ARMC9: variants seen among roughly 807,000 people sequenced by gnomAD.
The protein encoded by ARMC9 is armadillo repeat containing 9.
ARMC9 carries 94 observed loss-of-function variants against 107.0 expected under a neutral mutation model. The observed-to-expected ratio is 0.88, with a 90% CI of 0.74 to 1.04. The LOEUF (loss-of-function observed/expected upper bound fraction) is 1.04, where lower values mean the gene tolerates loss of function less well. Ranked by LOEUF, ARMC9 falls within the 50% of genes least tolerant of loss-of-function variation. ARMC9 has a pLI of 0.00. For synonymous variants in ARMC9, 380 were observed against 396.9 expected (o/e 0.96, Z 0.51); for missense variants, 942 against 1,030.1 (o/e 0.91, Z 1.17).
At position 231,310,745 on chromosome 2, in the gene ARMC9, A is replaced by G. The variant is rs371609703; in HGVS notation, c.1773+14492A>G. ...CGAGTGAAACTCCGTCTCAAAAGAT[A>G]AAAAAAAAAAAGGTAAGCTGTGATC... On this transcript the variant is annotated intron_variant, in intron 19 of 24. Coordinates refer to ENST00000611582, the MANE Select transcript of ARMC9 (RefSeq NM_001352754.2). 1.2e-4 allele frequency among the ~76,000 whole-genome samples: 17 copies of G among 144,128 alleles called. No individual in the cohort carries two copies. In the South Asian group the frequency reaches 2.6e-3, roughly 22 times the overall value. 94.6% of individuals were successfully genotyped at this position (144,128 alleles called of 152,430 possible). A position where few individuals can be genotyped will look rare whatever the true frequency, so the allele number is the denominator to read the frequency against.
chr2:231,375,894 G>A lies in ARMC9; in HGVS notation c.*4359G>A, dbSNP rs1044066605. Among the ~76,000 whole-genome samples, 14 of 152,194 alleles carry A rather than the reference G, an allele frequency of 9.2e-5. No homozygotes were observed. Among genetic ancestry groups the A allele is most frequent in the African/African-American group, 3.4e-4 (14 of 41,436 alleles). On this transcript the variant is annotated 3_prime_UTR_variant, in exon 25 of 25. Coordinates refer to ENST00000611582, the MANE Select transcript of ARMC9 (RefSeq NM_001352754.2). This position sits in a 1 kb window ranked among gnomAD's most constrained non-coding sequence, Gnocchi z 4.3. ...TTGTGGGAAGTCAGGGACCCCAAAC[G>A]GAGGGACTGGCTGAAGCCATGACAG...
chr2:231,331,750 T>G, intron 19 of ARMC9, 43 bp from the exon 20 acceptor site: 2 of 1,562,964 alleles, frequency 1.3e-6, no homozygotes, highest in Non-Finnish European at 1.8e-6. Flanking sequence ...TGGGAGCTTG[T>G]GTCAGGGTGT....
intron 19 of ARMC9, among the ~76,000 whole-genome samples, chr2:231,303,957 C>T (rs2041906231): frequency 2.0e-5 from 3 of 149,916 alleles, no homozygotes; most frequent in African/African-American, 7.4e-5. Context: ...TATGGCCAGG[C>T]GTGGTGGCTC....
In ARMC9 at chr2:231,360,017, T is replaced by C. The variant is rs2045503667; in HGVS notation, c.2132-737T>C. ...GATGCAGCCTCTGTCACAGTGTCGC[T>C]GCAGCAGTGACATGGACCCCTTCAG... On this transcript the variant is annotated intron_variant, in intron 22 of 24. Transcript: ENST00000611582. The surrounding 1 kb of genome is among the most constrained non-coding windows in gnomAD (Gnocchi z 4.7). Among the ~76,000 whole-genome samples the C allele has an allele frequency of 6.6e-6, 1 of 152,038 alleles. No individual in the cohort carries two copies. Among genetic ancestry groups the C allele is most frequent in the Admixed American group, 6.6e-5 (1 of 15,262 alleles).
intron 9 of ARMC9, among the ~76,000 whole-genome samples, chr2:231,254,540 C>G (rs1285478241): frequency 6.6e-6 from 1 of 151,554 alleles, no homozygotes; most frequent in Non-Finnish European, 1.5e-5. Context: ...TCAGTAAGTA[C>G]AAGCATGGTG....
intron 19 of ARMC9, among the ~76,000 whole-genome samples, chr2:231,298,019 C>T (rs2041487636): frequency 6.6e-6 from 1 of 152,116 alleles, no homozygotes; most frequent in South Asian, 2.1e-4. Flanking sequence ...GATGAGAACT[C>T]AATTTCTGGA....
intron 1 of ARMC9, among the ~76,000 whole-genome samples, chr2:231,203,388 C>T (rs1248275551): frequency 6.6e-6 from 1 of 152,186 alleles, no homozygotes; most frequent in African/African-American, 2.4e-5. Context: ...GCAGATTGTG[C>T]CTCTTCTGCC....
rs528431132 is a variant in ARMC9 at position 231,357,927 on chromosome 2, C to T, written c.2131+1993C>T. On this transcript the variant is annotated intron_variant, in intron 22 of 24. Coordinates refer to ENST00000611582, the MANE Select transcript of ARMC9 (RefSeq NM_001352754.2). ...ACAAAAAGTTCTTCCTTTGGAAAAACCAAGCCCCAGGTGCAGTTTCCTCTG... is the reference window on the plus strand; with the variant it reads ...ACAAAAAGTTCTTCCTTTGGAAAAATCAAGCCCCAGGTGCAGTTTCCTCTG... 6.6e-5 allele frequency among the ~76,000 whole-genome samples: 10 copies of T among 152,272 alleles called. No individual in the cohort carries two copies. The East Asian group carries it at 1.7e-3, about 26-fold the overall frequency.
intron 14 of ARMC9, among the ~76,000 whole-genome samples, chr2:231,274,211 G>A (rs150336590): frequency 3.9e-5 from 6 of 152,028 alleles, no homozygotes; most frequent in Non-Finnish European, 5.9e-5. Flanking sequence ...TCCGCCTCCC[G>A]GGTTCAACCA....
intron 5 of ARMC9, among the ~76,000 whole-genome samples, chr2:231,219,030 G>A (rs981077327): frequency 2.0e-5 from 3 of 151,996 alleles, no homozygotes; most frequent in African/African-American, 7.2e-5. Context: ...AGGATTACAC[G>A]TATGAGCCAT....
chr2:231,241,944 A>G (rs992113919), intron 9 of ARMC9, among the ~76,000 whole-genome samples: 1 of 152,146 alleles, frequency 6.6e-6, no homozygotes, highest in Non-Finnish European at 1.5e-5. Context: ...GGGCAGTTAC[A>G]TAACTTTTAT....
chr2:231,210,042 CT>C (rs375374037), intron 3 of ARMC9, among the ~76,000 whole-genome samples: 75 of 152,304 alleles, frequency 4.9e-4, no homozygotes, highest in African/African-American at 1.7e-3. Flanking sequence ...TAATTTTAGG[CT>C]TGGCTTGCAA....
intron 19 of ARMC9, among the ~76,000 whole-genome samples, chr2:231,300,338 A>G (rs1482855218): frequency 6.6e-6 from 1 of 152,232 alleles, no homozygotes; most frequent in African/African-American, 2.4e-5. Flanking sequence ...CTCAACAAAT[A>G]TTTGAGGGCC....
At chr2:231,268,272 C>T (rs1283195149) in intron 12 of ARMC9, among the ~76,000 whole-genome samples, 4 of 152,244 alleles carry the variant, frequency 2.6e-5, no homozygotes, top group African/African-American at 9.6e-5. Context: ...ACTAGTTAGC[C>T]ACATGTTCGC....
At chr2:231,220,794 C>G (rs2034044075) in intron 5 of ARMC9, among the ~76,000 whole-genome samples, 1 of 152,148 alleles carries the variant, frequency 6.6e-6, no homozygotes, top group South Asian at 2.1e-4. Flanking sequence ...GGCTTTATTT[C>G]AGTCTCATCC....
chr2:231,332,003 A>G (rs1389272609), intron 20 of ARMC9, 106 bp downstream of exon 20: 4 of 954,072 alleles, frequency 4.2e-6, no homozygotes, highest in African/African-American at 3.2e-5. Context: ...GTTTGTTACC[A>G]TACTGTATTT....
intron 5 of ARMC9, among the ~76,000 whole-genome samples, chr2:231,219,355 T>G (rs1284648401): frequency 6.6e-6 from 1 of 152,190 alleles, no homozygotes; most frequent in Non-Finnish European, 1.5e-5. Context: ...TCCTTGAAGA[T>G]CTCTTCTTTC....
intron 19 of ARMC9, among the ~76,000 whole-genome samples, chr2:231,299,444 C>G (rs953302933): frequency 2.0e-5 from 3 of 152,056 alleles, no homozygotes; most frequent in African/African-American, 4.8e-5. Context: ...CAGAGAGGCC[C>G]TGAGGCTCCT....
intron 23 of ARMC9, among the ~76,000 whole-genome samples, 159 bp from the exon 24 acceptor site, chr2:231,369,794 A>G (rs984734940): frequency 1.3e-5 from 2 of 151,982 alleles, no homozygotes; most frequent in African/African-American, 4.8e-5. Flanking sequence ...GGGCTTCACC[A>G]TGTTGGCCAG....
Sources: gnomAD v4.1 joint callset for allele counts (sites outside exome capture counted in the v4.1 genomes callset) on GRCh38, gnomAD v4.1.1 for gene constraint, Gnocchi (gnomAD v3.1) non-coding constraint, MANE v1.5 for transcripts, NCBI Gene and HGNC (gene_info 2026-07-23, HGNC 2026-07-21) for gene names.